PTER: variants seen among roughly 807,000 people sequenced by gnomAD.
The protein encoded by PTER is phosphotriesterase related.
Under a neutral mutation model 29.6 loss-of-function variants are expected in PTER, and 38 were observed. That is an observed-to-expected ratio of 1.28 (90% CI 0.99 to 1.68). The LOEUF (loss-of-function observed/expected upper bound fraction) is 1.68, where lower values mean the gene tolerates loss of function less well. Among genes scored for constraint, PTER ranks in the 40% most tolerant of loss-of-function variants. The pLI, the probability that PTER is intolerant of heterozygous loss-of-function variation, is 0.00. For synonymous variants in PTER, 172 were observed against 154.5 expected, an observed-to-expected ratio of 1.11 and a Z score of -0.84; for missense variants, 482 against 427.8, an observed-to-expected ratio of 1.13 and a Z score of -1.12.
intron 1 of PTER, among the ~76,000 whole-genome samples, chr10:16,462,498 CTTG>C (rs1270426721): frequency 2.0e-5 from 3 of 151,216 alleles, no homozygotes; most frequent in South Asian, 2.1e-4. Flanking sequence ...AGAGTTAAGA[CTTG>C]TTGTGAGTTT....
chr10:16,473,529 A>AAAAAAC (rs1835136168), intron 1 of PTER, among the ~76,000 whole-genome samples: 1 of 149,322 alleles, frequency 6.7e-6, no homozygotes, highest in Non-Finnish European at 1.5e-5. Context: ...GAAAAAAAAA[A>AAAAAAC]AAAAAAAAAA....
In PTER at chr10:16,513,658, G is replaced by T. The variant is rs962365089; in HGVS notation, c.*2402G>T. 1.3e-5 allele frequency: 2 copies of T among 152,516 alleles called. No individual in the cohort carries two copies. Among genetic ancestry groups the T allele is most frequent in the Non-Finnish European group, 2.9e-5 (2 of 67,996 alleles). 9.4% of individuals were successfully genotyped at this position (152,516 alleles called of 1,614,324 possible). On this transcript the variant is annotated 3_prime_UTR_variant, in exon 5 of 5. Coordinates refer to ENST00000535784, the MANE Select transcript of PTER (RefSeq NM_001261836.2). ...CTCAAATTAAACCTTTGTGCATTGGGTTATGAATAATCTTTTCTTCCAAAG... is the reference window on the plus strand; with the variant it reads ...CTCAAATTAAACCTTTGTGCATTGGTTTATGAATAATCTTTTCTTCCAAAG...
chr10:16,513,803 A>G (rs4747277), downstream of PTER: 39,087 of 152,680 alleles, frequency 0.26, 5,510 homozygotes, highest in Middle Eastern at 0.41. Flanking sequence ...AATACCGTAC[A>G]TAATTACACA....
At chr10:16,506,952 G>A (rs958039972) in intron 4 of PTER, among the ~76,000 whole-genome samples, 1 of 151,918 alleles carries the variant, frequency 6.6e-6, no homozygotes, top group Non-Finnish European at 1.5e-5. Flanking sequence ...ATTTTCCAAA[G>A]CAAAACTGTT....
chr10:16,497,401 C>T (rs1313918009), intron 3 of PTER, among the ~76,000 whole-genome samples: 1 of 152,150 alleles, frequency 6.6e-6, no homozygotes, highest in African/African-American at 2.4e-5. Flanking sequence ...GCACATTTAA[C>T]TATAATTATT....
At chr10:16,481,017 C>A (rs1365281102) in intron 1 of PTER, among the ~76,000 whole-genome samples, 2 of 152,216 alleles carry the variant, frequency 1.3e-5, no homozygotes, top group Non-Finnish European at 2.9e-5. Flanking sequence ...TTTAAACCCT[C>A]TGTGCTTTTT....
intron 3 of PTER, among the ~76,000 whole-genome samples, chr10:16,501,328 TACACAC>T (rs35321143): frequency 1.2e-3 from 144 of 117,242 alleles, no homozygotes; most frequent in South Asian, 5.4e-3. Context: ...AATGAATAAC[TACACAC>T]ACACACACAC....
chr10:16,442,520 G>A (rs115743408), intron 1 of PTER, among the ~76,000 whole-genome samples: 329 of 152,244 alleles, frequency 2.2e-3, no homozygotes, highest in Middle Eastern at 0.01. Flanking sequence ...CTGTAATCCC[G>A]GCACTTTGGG....
At chr10:16,472,733 G>A (rs1358986685) in intron 1 of PTER, among the ~76,000 whole-genome samples, 1 of 151,984 alleles carries the variant, frequency 6.6e-6, no homozygotes, top group Non-Finnish European at 1.5e-5. Flanking sequence ...TACTTCTTTG[G>A]CATTTGGACC....
At chr10:16,499,825 G>GA (rs905021619) in intron 3 of PTER, among the ~76,000 whole-genome samples, 237 of 151,574 alleles carry the variant, frequency 1.6e-3, no homozygotes, top group African/African-American at 4.6e-3. Context: ...TAAAAAATCA[G>GA]AAAAAAAACT....
At chr10:16,494,512 A>G (rs1171333809) in intron 3 of PTER, among the ~76,000 whole-genome samples, 3 of 152,224 alleles carry the variant, frequency 2.0e-5, no homozygotes, top group African/African-American at 4.8e-5. Flanking sequence ...TTATTCTCCA[A>G]TATCAAAAAT....
intron 3 of PTER, among the ~76,000 whole-genome samples, chr10:16,503,458 G>A (rs1424253487): frequency 1.3e-5 from 2 of 152,062 alleles, no homozygotes; most frequent in Non-Finnish European, 2.9e-5. Context: ...AGGCTGGAGT[G>A]CAATAGTGTG....
chr10:16,499,584 G>A (rs986147798), intron 3 of PTER, among the ~76,000 whole-genome samples: 2 of 151,764 alleles, frequency 1.3e-5, no homozygotes, highest in African/African-American at 2.4e-5. Flanking sequence ...TGGGACCCCG[G>A]GTGTGCACCA....
chr10:16,505,941 G>A (rs547736371), intron 4 of PTER, among the ~76,000 whole-genome samples: 2 of 152,250 alleles, frequency 1.3e-5, no homozygotes, highest in African/African-American at 4.8e-5. Flanking sequence ...CAGAGAAGAA[G>A]ATGAGGACAG....
chr10:16,459,331 A>G (rs985285260), intron 1 of PTER, among the ~76,000 whole-genome samples: 5 of 152,324 alleles, frequency 3.3e-5, no homozygotes, highest in South Asian at 2.1e-4. Flanking sequence ...GCAAAGGTTT[A>G]TACTCTGCAT....
intron 1 of PTER, among the ~76,000 whole-genome samples, chr10:16,471,229 C>T (rs1207775680): frequency 6.6e-6 from 1 of 152,168 alleles, no homozygotes; most frequent in Non-Finnish European, 1.5e-5. Context: ...AGGCAATTAG[C>T]AACTTTGTGA....
chr10:16,506,102 C>G (rs1384979631), intron 4 of PTER, among the ~76,000 whole-genome samples: 1 of 152,032 alleles, frequency 6.6e-6, no homozygotes, highest in East Asian at 1.9e-4. Context: ...GCTTGAATGC[C>G]GGTAATAAGT....
chr10:16,475,500 A>G (rs1373667190), intron 1 of PTER, among the ~76,000 whole-genome samples: 1 of 152,164 alleles, frequency 6.6e-6, no homozygotes, highest in Non-Finnish European at 1.5e-5. Flanking sequence ...TGCAAGGCAC[A>G]AAAGCAGAAG....
At chr10:16,493,570 G>T (rs1381186192) in intron 3 of PTER, among the ~76,000 whole-genome samples, 1 of 151,928 alleles carries the variant, frequency 6.6e-6, no homozygotes, top group Non-Finnish European at 1.5e-5. Context: ...GAGCCGGCCA[G>T]AAAAATTATT....
Sources: allele counts gnomAD v4.1 joint callset (sites outside exome capture counted in the v4.1 genomes callset), GRCh38; gene constraint gnomAD v4.1.1; transcripts MANE v1.5; gene names NCBI Gene and HGNC (gene_info 2026-07-23, HGNC 2026-07-21).